The following STK10 variants were observed in gnomAD, a reference collection of about 807,000 sequenced individuals.
STK10 encodes the protein serine/threonine kinase 10, also known as serine/threonine-protein kinase 10.
Under a neutral mutation model 113.8 loss-of-function variants are expected in STK10, and 78 were observed. The ratio of observed to expected loss-of-function variants is 0.69; its 90% CI spans 0.57 to 0.83. The LOEUF (loss-of-function observed/expected upper bound fraction) is 0.83. Ranked by LOEUF, STK10 falls within the 40% of genes least tolerant of loss-of-function variation. STK10 has a pLI of 0.00. For synonymous variants in STK10, 465 were observed against 494.7 expected, an observed-to-expected ratio of 0.94 and a Z score of 0.80; for missense variants, 1,109 against 1,280.1, an observed-to-expected ratio of 0.87 and a Z score of 2.04.
In STK10 at chr5:172,087,719, C is replaced by T. The variant is rs1413382543; in HGVS notation, c.1685+2513G>A. Reference sequence around the variant, plus strand: ...TCTCGGCTCACTGCAAGCTCCGCCTCCCGGGTTCACGCCATTCTCCTGCCT... The same window carrying T: ...TCTCGGCTCACTGCAAGCTCCGCCTTCCGGGTTCACGCCATTCTCCTGCCT... On this transcript the variant is annotated intron_variant, in intron 10 of 18. Transcript: ENST00000176763. Among the ~76,000 whole-genome samples, 2 of 109,556 alleles carry T rather than the reference C, an allele frequency of 1.8e-5. 1 individual carries two copies. Among genetic ancestry groups the T allele is most frequent in the Non-Finnish European group, 3.9e-5 (2 of 51,550 alleles). The allele number at this position is 109,556 out of a possible 152,430, so 71.9% of individuals were successfully genotyped here.
chr5:172,052,147 A>G (rs1177911517), intron 18 of STK10, among the ~76,000 whole-genome samples: 1 of 152,172 alleles, frequency 6.6e-6, no homozygotes, highest in African/African-American at 2.4e-5. Flanking sequence ...GGTTTTCTCT[A>G]GCTGGTGGCA....
intron 10 of STK10, among the ~76,000 whole-genome samples, chr5:172,086,438 G>C (rs1200476136): frequency 6.6e-6 from 1 of 152,208 alleles, no homozygotes; most frequent in Non-Finnish European, 1.5e-5. Flanking sequence ...AGTACAGAAA[G>C]AAGGCAGGCA....
rs144891692 is a variant in STK10 at position 172,156,517 on chromosome 5, G to A, written c.321+107C>T. The A allele has an allele frequency of 7.3e-4, 1,026 of 1,402,768 alleles. 5 individuals are homozygous for A. The African/African-American group carries it at 0.012, about 16-fold the overall frequency. 86.9% of individuals were successfully genotyped at this position (1,402,768 alleles called of 1,614,324 possible). ...TCACCATCTCCTTGCCCTAGCCCTC[G>A]TCCTCAAAGCAGATGCTGAGAAAGA... On this transcript the variant is annotated intron_variant, in intron 2 of 18. Coordinates refer to ENST00000176763, the MANE Select transcript of STK10 (RefSeq NM_005990.4).
intron 7 of STK10, among the ~76,000 whole-genome samples, chr5:172,101,498 T>C (rs1212172951): frequency 6.6e-6 from 1 of 151,668 alleles, no homozygotes; most frequent in Non-Finnish European, 1.5e-5. Flanking sequence ...AGTCAATTTA[T>C]TTAGCAAATA....
chr5:172,057,204 C>T, intron 15 of STK10, 145 bp downstream of exon 15: 2 of 1,197,304 alleles, frequency 1.7e-6, no homozygotes, highest in South Asian at 2.9e-5. Context: ...CCTCCTGGGG[C>T]CTCACTGCAG....
chr5:172,090,087 G>T, intron 10 of STK10, 145 bp downstream of exon 10: 3 of 1,171,562 alleles, frequency 2.6e-6, no homozygotes, highest in South Asian at 1.5e-5. Flanking sequence ...GTGCAGGATC[G>T]CAGGCAAAAT....
At chr5:172,126,140 C>T (rs1214602950) in intron 3 of STK10, among the ~76,000 whole-genome samples, 1 of 152,194 alleles carries the variant, frequency 6.6e-6, no homozygotes, top group Non-Finnish European at 1.5e-5. Context: ...TCTCTGCACT[C>T]ACTGCCCTGA....
chr5:172,057,617 C>T, intron 14 of STK10, 144 bp from the exon 15 acceptor site: 2 of 1,335,756 alleles, frequency 1.5e-6, no homozygotes, highest in South Asian at 3.0e-5. Flanking sequence ...TGTTCTACCT[C>T]ATTAGACCAT....
intron 9 of STK10, chr5:172,092,742 G>C (rs543321883): frequency 8.5e-5 from 13 of 152,190 alleles, no homozygotes; most frequent in African/African-American, 3.1e-4. Context: ...GTAACACCCC[G>C]GGATTTATCG....
rs1025713997 is a variant in STK10, at chr5:172,120,460, CCT to C, written c.371-2832_371-2831del. ...TCTGGAGTCCGCAAGCTGCCTGCCC[CCT>C]GTCCCTGTGGCCTCATCCTGAACCT... is the stretch of plus-strand genomic sequence containing the variant. On this transcript the variant is annotated intron_variant, in intron 3 of 18. Coordinates refer to ENST00000176763, the MANE Select transcript of STK10 (RefSeq NM_005990.4). This position sits in a 1 kb window ranked among gnomAD's most constrained non-coding sequence, Gnocchi z 4.0. Among the ~76,000 whole-genome samples, 6 of 152,312 alleles carry C rather than the reference CCT, an allele frequency of 3.9e-5. No homozygotes were observed. Among genetic ancestry groups the C allele is most frequent in the African/African-American group, 1.4e-4 (6 of 41,564 alleles).
intron 2 of STK10, among the ~76,000 whole-genome samples, chr5:172,147,926 A>G (rs1770119205): frequency 6.6e-6 from 1 of 152,206 alleles, no homozygotes; most frequent in African/African-American, 2.4e-5. Context: ...GGAATTGCGG[A>G]TGAAAACCAA....
At chr5:172,069,015 A>G (rs1304626662) in intron 12 of STK10, among the ~76,000 whole-genome samples, 1 of 152,176 alleles carries the variant, frequency 6.6e-6, no homozygotes, top group Admixed American at 6.6e-5. Context: ...ATGCTGAGAT[A>G]GGTATGTATA....
chr5:172,099,714 C>G lies in STK10; in HGVS notation c.871-3154G>C, dbSNP rs188530001. Among the ~76,000 whole-genome samples the G allele has an allele frequency of 1.5e-3, 231 of 152,308 alleles. 1 individual carries two copies. Among genetic ancestry groups the G allele is most frequent in the African/African-American group, 5.3e-3 (219 of 41,542 alleles). ...AGATCCCAAAGGTTCCTAAGCTCCA[C>G]ACTGCGCAATCTAACACAAGTGAAC... On this transcript the variant is annotated intron_variant, in intron 7 of 18. Coordinates refer to ENST00000176763, the MANE Select transcript of STK10 (RefSeq NM_005990.4).
At chr5:172,131,856 G>A (rs1561819481) in intron 2 of STK10, among the ~76,000 whole-genome samples, 1 of 152,202 alleles carries the variant, frequency 6.6e-6, no homozygotes, top group Admixed American at 6.5e-5. Flanking sequence ...GTTGGGAGGT[G>A]GGACCAACAG....
At position 172,043,866 on chromosome 5, in the gene STK10, G is replaced by A. The variant is rs1038713009; in HGVS notation, c.*1016C>T. The A allele has an allele frequency of 1.3e-5, 2 of 152,314 alleles. No individual in the cohort carries two copies. Among genetic ancestry groups the A allele is most frequent in the African/African-American group, 4.8e-5 (2 of 41,450 alleles). The allele number at this position is 152,314 out of a possible 1,614,324, so 9.4% of individuals were successfully genotyped here. A position where few individuals can be genotyped will look rare whatever the true frequency, so the allele number is the denominator to read the frequency against. Reference sequence around the variant, plus strand: ...AAGGTGGGACTCCTGAACACAGTCGGGGGGATGGGGCAGAGGCAAACAGCC... The same window carrying A: ...AAGGTGGGACTCCTGAACACAGTCGAGGGGATGGGGCAGAGGCAAACAGCC... On this transcript the variant is annotated 3_prime_UTR_variant, in exon 19 of 19. Transcript: ENST00000176763.
intron 1 of STK10, among the ~76,000 whole-genome samples, chr5:172,183,763 GA>G (rs1489434853): frequency 6.6e-6 from 1 of 152,156 alleles, no homozygotes; most frequent in African/African-American, 2.4e-5. Context: ...AATTAACTAG[GA>G]ATGGTTTTCT....
intron 1 of STK10, among the ~76,000 whole-genome samples, chr5:172,167,899 C>G (rs1470019168): frequency 6.6e-6 from 1 of 152,204 alleles, no homozygotes; most frequent in African/African-American, 2.4e-5. Context: ...CTGTCCCAGA[C>G]CCAGATTCTG....
intron 4 of STK10, among the ~76,000 whole-genome samples, chr5:172,113,220 G>T (rs1581162727): frequency 6.6e-6 from 1 of 151,366 alleles, no homozygotes; most frequent in Non-Finnish European, 1.5e-5. Flanking sequence ...ACACTGCACT[G>T]GGGGGGGTGT....
intron 17 of STK10, 118 bp from the exon 18 acceptor site, chr5:172,053,160 T>G (rs969455045): frequency 1.3e-6 from 1 of 750,846 alleles, no homozygotes; most frequent in African/African-American, 1.8e-5. Flanking sequence ...TTATTTCTTC[T>G]TGACTATAAA....
Sources: allele counts gnomAD v4.1 joint callset (sites outside exome capture counted in the v4.1 genomes callset), GRCh38; gene constraint gnomAD v4.1.1; non-coding constraint Gnocchi (gnomAD v3.1); transcripts MANE v1.5; gene names NCBI Gene and HGNC (gene_info 2026-07-23, HGNC 2026-07-21).